MGAT4C: variants seen among roughly 807,000 people sequenced by gnomAD.
MGAT4C encodes MGAT4 family member C.
MGAT4C carries 19 observed loss-of-function variants against 40.1 expected under a neutral mutation model. The observed-to-expected ratio is 0.47, with a 90% CI of 0.33 to 0.70. The LOEUF (loss-of-function observed/expected upper bound fraction) is 0.70, where lower values mean the gene tolerates loss of function less well. Ranked by LOEUF, MGAT4C falls within the 30% of genes least tolerant of loss-of-function variation. The pLI is 0.02. For missense variants in MGAT4C, 491 were observed against 563.2 expected (o/e 0.87, Z 1.30); for synonymous variants, 181 against 187.1 (o/e 0.97, Z 0.27).
At chr12:86,037,153 T>TA (rs1258135281) in intron 2 of MGAT4C, among the ~76,000 whole-genome samples, 2 of 150,184 alleles carry the variant, frequency 1.3e-5, no homozygotes, top group Non-Finnish European at 3.0e-5. Context: ...GATCATTTTT[T>TA]ATTGCATCTA....
intron 1 of MGAT4C, among the ~76,000 whole-genome samples, chr12:86,247,442 T>C (rs1952083205): frequency 6.6e-6 from 1 of 152,192 alleles, no homozygotes; most frequent in African/African-American, 2.4e-5. Context: ...ACTCTGGCCA[T>C]TACTTTCATA....
intron 1 of MGAT4C, among the ~76,000 whole-genome samples, chr12:86,159,575 T>C (rs1009824783): frequency 3.3e-5 from 5 of 152,010 alleles, no homozygotes; most frequent in African/African-American, 1.2e-4. Flanking sequence ...TCCTCAACTT[T>C]TTGGAATGAT....
chr12:85,982,670 A>AT (rs959648965), intron 4 of MGAT4C, among the ~76,000 whole-genome samples: 10 of 152,124 alleles, frequency 6.6e-5, no homozygotes, highest in Non-Finnish European at 1.3e-4. Context: ...CTCCAAATAT[A>AT]TTTTTTTAAC....
intron 1 of MGAT4C, among the ~76,000 whole-genome samples, chr12:86,174,519 C>T (rs927947595): frequency 2.0e-5 from 3 of 152,196 alleles, no homozygotes; most frequent in South Asian, 2.1e-4. Flanking sequence ...ATCACTAATA[C>T]ATGTGTTATC....
chr12:86,827,186 G>A (rs1593243938), intron 1 of MGAT4C, among the ~76,000 whole-genome samples: 1 of 151,348 alleles, frequency 6.6e-6, no homozygotes, highest in Admixed American at 6.6e-5. Flanking sequence ...AGTAAAGGCT[G>A]GCCATATTAG....
chr12:86,544,964 C>T (rs1959185763), intron 2 of MGAT4C, among the ~76,000 whole-genome samples: 1 of 152,068 alleles, frequency 6.6e-6, no homozygotes, highest in African/African-American at 2.4e-5. Flanking sequence ...TTTATACTCA[C>T]TGTTAACCTA....
intron 1 of MGAT4C, among the ~76,000 whole-genome samples, chr12:86,141,187 T>C (rs951024175): frequency 6.6e-6 from 1 of 152,202 alleles, no homozygotes; most frequent in Non-Finnish European, 1.5e-5. Flanking sequence ...TACTTCTTTT[T>C]GAATGCCTCT....
intron 1 of MGAT4C, among the ~76,000 whole-genome samples, chr12:86,823,789 G>A (rs1952750213): frequency 6.6e-6 from 1 of 150,824 alleles, no homozygotes; most frequent in African/African-American, 2.4e-5. Flanking sequence ...TTTTAAAAAA[G>A]GCTAGTAAGT....
intron 2 of MGAT4C, among the ~76,000 whole-genome samples, chr12:86,643,722 CT>C (rs1323775969): frequency 6.6e-6 from 1 of 151,698 alleles, no homozygotes; most frequent in African/African-American, 2.4e-5. Context: ...TATCTGGTTT[CT>C]TTTGGGTTAA....
intron 1 of MGAT4C, among the ~76,000 whole-genome samples, chr12:86,229,148 T>C (rs1169204835): frequency 6.6e-6 from 1 of 151,928 alleles, no homozygotes; most frequent in Non-Finnish European, 1.5e-5. Context: ...AAAGTTAAAA[T>C]AATTAATAAT....
intron 2 of MGAT4C, among the ~76,000 whole-genome samples, chr12:86,472,637 C>G (rs1248845480): frequency 1.3e-5 from 2 of 151,894 alleles, no homozygotes; most frequent in African/African-American, 4.8e-5. Flanking sequence ...TCCAAGTGTT[C>G]TATCTTAGTA....
intron 2 of MGAT4C, among the ~76,000 whole-genome samples, chr12:86,612,384 A>T (rs1447324941): frequency 6.6e-6 from 1 of 152,092 alleles, no homozygotes; most frequent in East Asian, 1.9e-4. Flanking sequence ...TTATACATTC[A>T]TCTTATCACA....
At chr12:86,108,070 G>A (rs1445318108) in intron 1 of MGAT4C, among the ~76,000 whole-genome samples, 1 of 152,076 alleles carries the variant, frequency 6.6e-6, no homozygotes, top group Non-Finnish European at 1.5e-5. Context: ...CTCAGCTGGA[G>A]AATTGGAAAA....
At chr12:86,111,444 T>C (rs1378560329) in intron 1 of MGAT4C, among the ~76,000 whole-genome samples, 1 of 151,854 alleles carries the variant, frequency 6.6e-6, no homozygotes, top group Non-Finnish European at 1.5e-5. Context: ...GCTCATTATG[T>C]TTGAAGTTAT....
In MGAT4C at chr12:86,603,573, G is replaced by GACTAC. The variant is rs748155550; in HGVS notation, c.-229+123635_-229+123636insGTAGT. On this transcript the variant is annotated intron_variant, in intron 2 of 7. Transcript: ENST00000548651. ...GATAATATATAGTCTATAGACTATAGATAATATATAGTCATATAGTCTATA... is the reference window on the plus strand; with the variant it reads ...GATAATATATAGTCTATAGACTATAGACTACATAATATATAGTCATATAGTCTATA... Among the ~76,000 whole-genome samples the GACTAC allele has an allele frequency of 3.5e-5, 4 of 112,980 alleles. No homozygotes were observed. The South Asian group carries it at 1.0e-3, about 29-fold the overall frequency. 74.1% of individuals were successfully genotyped at this position (112,980 alleles called of 152,430 possible).
intron 2 of MGAT4C, among the ~76,000 whole-genome samples, chr12:86,451,880 G>T (rs1239888234): frequency 6.6e-6 from 1 of 152,008 alleles, no homozygotes; most frequent in Admixed American, 6.6e-5. Flanking sequence ...ATAGTTCTCT[G>T]TTGAAACTTT....
intron 1 of MGAT4C, among the ~76,000 whole-genome samples, chr12:86,819,521 T>C (rs1952669286): frequency 6.6e-6 from 1 of 150,944 alleles, no homozygotes; most frequent in South Asian, 2.1e-4. Context: ...AGGCAGTCAA[T>C]AAGTGGTGTA....
At chr12:86,204,195 T>C (rs1049374225) in intron 1 of MGAT4C, among the ~76,000 whole-genome samples, 1 of 151,730 alleles carries the variant, frequency 6.6e-6, no homozygotes, top group Non-Finnish European at 1.5e-5. Flanking sequence ...CTAAAAAACT[T>C]TGAAGATGGG....
At chr12:86,484,013 C>T (rs1400617729) in intron 2 of MGAT4C, among the ~76,000 whole-genome samples, 1 of 151,730 alleles carries the variant, frequency 6.6e-6, no homozygotes, top group East Asian at 1.9e-4. Flanking sequence ...TTGCTGAATG[C>T]CAGGGCTAAT....
Sources: allele counts gnomAD v4.1 joint callset (sites outside exome capture counted in the v4.1 genomes callset), GRCh38; gene constraint gnomAD v4.1.1; transcripts MANE v1.5; gene names NCBI Gene and HGNC (gene_info 2026-07-23, HGNC 2026-07-21).